ROBO2: variants seen among roughly 807,000 people sequenced by gnomAD.
ROBO2 encodes the protein roundabout guidance receptor 2.
In ROBO2, 53 loss-of-function variants were observed where a neutral mutation model predicts 160.8. The ratio of observed to expected loss-of-function variants is 0.33; its 90% CI spans 0.26 to 0.41. The LOEUF is 0.41. Ranked by LOEUF, ROBO2 falls within the 10% of genes least tolerant of loss-of-function variation. ROBO2 has a pLI of 1.00. For missense variants in ROBO2, 1,577 were observed against 1,722.4 expected (o/e 0.92, Z 1.49); for synonymous variants, 664 against 611.7 (o/e 1.09, Z -1.26).
intron 2 of ROBO2, among the ~76,000 whole-genome samples, chr3:76,461,710 C>T (rs969082684): frequency 7.9e-5 from 12 of 151,934 alleles, no homozygotes; most frequent in Non-Finnish European, 1.6e-4. Context: ...TGAAATGTAT[C>T]ACCTATACTT....
intron 2 of ROBO2, among the ~76,000 whole-genome samples, chr3:77,442,691 A>G (rs1445389296): frequency 6.6e-6 from 1 of 152,156 alleles, no homozygotes; most frequent in Non-Finnish European, 1.5e-5. Context: ...GACCCTAAGT[A>G]TTGAGTACCA....
chr3:76,742,462 A>G (rs1180635246), intron 2 of ROBO2, among the ~76,000 whole-genome samples: 1 of 152,186 alleles, frequency 6.6e-6, no homozygotes, highest in Non-Finnish European at 1.5e-5. Context: ...GAAAAACAGC[A>G]CTGAAAGGAA....
At chr3:77,582,736 A>G (rs1427114805) in intron 16 of ROBO2, among the ~76,000 whole-genome samples, 1 of 152,152 alleles carries the variant, frequency 6.6e-6, no homozygotes, top group Non-Finnish European at 1.5e-5. Context: ...ATAAACAGCA[A>G]TATACAAATT....
chr3:76,206,847 G>T (rs1702838855), intron 2 of ROBO2, among the ~76,000 whole-genome samples: 1 of 152,110 alleles, frequency 6.6e-6, no homozygotes, highest in South Asian at 2.1e-4. Context: ...CCACAGCTAG[G>T]CACATCATTA....
intron 2 of ROBO2, among the ~76,000 whole-genome samples, chr3:76,712,949 A>G (rs2093323279): frequency 6.6e-6 from 1 of 152,164 alleles, no homozygotes; most frequent in Non-Finnish European, 1.5e-5. Flanking sequence ...TGTTTCTAAA[A>G]CTTATTTTCT....
In ROBO2 at chr3:77,588,942, C is replaced by T. The variant is rs2094118542; in HGVS notation, c.2683+9C>T. On this transcript the variant is annotated intron_variant, in intron 17 of 25. Transcript: ENST00000461745. ...ACTCAGTAATTATGCTGGTAAGTGA[C>T]TATTTCCAGCTAAGAAAATCTCTTG... The T allele has an allele frequency of 6.2e-7, 1 of 1,612,552 alleles. No homozygotes were observed. Among genetic ancestry groups the T allele is most frequent in the Non-Finnish European group, 8.5e-7 (1 of 1,178,808 alleles).
intron 2 of ROBO2, among the ~76,000 whole-genome samples, chr3:76,720,303 T>C (rs2093445044): frequency 6.6e-6 from 1 of 152,138 alleles, no homozygotes; most frequent in Non-Finnish European, 1.5e-5. Flanking sequence ...AAAAAATCTA[T>C]TGTGTCCAAG....
intron 2 of ROBO2, among the ~76,000 whole-genome samples, chr3:77,017,979 G>T (rs1261902823): frequency 6.6e-6 from 1 of 152,088 alleles, no homozygotes; most frequent in South Asian, 2.1e-4. Context: ...GGCATAAATT[G>T]GGTAATAGAA....
intron 2 of ROBO2, among the ~76,000 whole-genome samples, chr3:76,172,976 TA>T (rs914857510): frequency 6.6e-6 from 1 of 151,822 alleles, no homozygotes; most frequent in Non-Finnish European, 1.5e-5. Context: ...TGGACCTCAG[TA>T]AAAAAAGTCA....
chr3:77,156,074 C>A (rs1265297027), intron 2 of ROBO2, among the ~76,000 whole-genome samples: 1 of 151,964 alleles, frequency 6.6e-6, no homozygotes, highest in African/African-American at 2.4e-5. Flanking sequence ...CCCACATAAC[C>A]CATTGCCTAC....
At chr3:76,401,674 C>T (rs1302038925) in intron 2 of ROBO2, among the ~76,000 whole-genome samples, 1 of 151,128 alleles carries the variant, frequency 6.6e-6, no homozygotes, top group Admixed American at 6.6e-5. Flanking sequence ...ATTTATGGTA[C>T]AGATATTAAT....
chr3:76,134,863 C>T (rs1287957964), intron 2 of ROBO2, among the ~76,000 whole-genome samples: 1 of 151,486 alleles, frequency 6.6e-6, no homozygotes, highest in Non-Finnish European at 1.5e-5. Flanking sequence ...GTCTCTAAAC[C>T]TCACAAAAAA....
chr3:76,990,378 C>T (rs987063019), intron 2 of ROBO2, among the ~76,000 whole-genome samples: 4 of 152,108 alleles, frequency 2.6e-5, no homozygotes, highest in Non-Finnish European at 5.9e-5. Context: ...AAGTTTCTAT[C>T]ATTTAAATTT....
In ROBO2 at chr3:76,780,364, C is replaced by G. The variant is rs192448252; in HGVS notation, c.110-317650C>G. 7.9e-5 allele frequency among the ~76,000 whole-genome samples: 12 copies of G among 150,958 alleles called. No homozygotes were observed. In the East Asian group the frequency reaches 2.4e-3, roughly 30 times the overall value. On this transcript the variant is annotated intron_variant, in intron 2 of 26. Transcript: ENST00000487694. ...GATGTATGGTTTACAAATGTTTCCT[C>G]CCACGCTGTAGGTTGCTTTTTCATC...
intron 2 of ROBO2, among the ~76,000 whole-genome samples, chr3:76,652,325 T>G (rs2091291045): frequency 6.6e-6 from 1 of 152,192 alleles, no homozygotes; most frequent in South Asian, 2.1e-4. Flanking sequence ...TGTGCATTGT[T>G]AAATTTCTGT....
chr3:77,484,958 C>G (rs1236442935), intron 4 of ROBO2, among the ~76,000 whole-genome samples: 3 of 152,094 alleles, frequency 2.0e-5, no homozygotes, highest in Admixed American at 6.6e-5. Flanking sequence ...CTTGAAATCT[C>G]TAACAGAAAC....
intron 1 of ROBO2, among the ~76,000 whole-genome samples, chr3:77,069,814 G>C (rs2067224564): frequency 6.6e-6 from 1 of 152,118 alleles, no homozygotes; most frequent in African/African-American, 2.4e-5. Flanking sequence ...TCAAGGTGTT[G>C]GTAGGGCCAC....
intron 2 of ROBO2, among the ~76,000 whole-genome samples, chr3:76,692,148 G>T (rs1358354694): frequency 2.0e-5 from 3 of 152,090 alleles, no homozygotes; most frequent in Non-Finnish European, 4.4e-5. Flanking sequence ...AAATAACAAG[G>T]TTGGGGGAAT....
intron 2 of ROBO2, among the ~76,000 whole-genome samples, chr3:76,390,459 A>G (rs1176077553): frequency 1.3e-5 from 2 of 152,152 alleles, no homozygotes; most frequent in African/African-American, 4.8e-5. Flanking sequence ...TACATTAAAG[A>G]GATTCTTTTT....
Sources: gnomAD v4.1 joint callset for allele counts (sites outside exome capture counted in the v4.1 genomes callset) on GRCh38, gnomAD v4.1.1 for gene constraint, MANE v1.5 for transcripts, NCBI Gene and HGNC (gene_info 2026-07-23, HGNC 2026-07-21) for gene names.